The following PRH1 variants were observed in gnomAD, a reference collection of about 807,000 sequenced individuals.
PRH1 encodes the protein salivary acidic proline-rich phosphoprotein 1/2.
Under a neutral mutation model 7.9 loss-of-function variants are expected in PRH1, and 7 were observed. That is an observed-to-expected ratio of 0.89 (90% confidence interval 0.50 to 1.67). The LOEUF is 1.67. Ranked by LOEUF, PRH1 falls within the 40% of genes most tolerant of loss-of-function variation. PRH1 has a pLI of 0.00. For synonymous variants in PRH1, 45 were observed against 80.8 expected (o/e 0.56, Z 2.38); for missense variants, 109 against 223.6 (o/e 0.49, Z 3.27).
intron 2 of PRH1, among the ~76,000 whole-genome samples, chr12:10,928,756 T>G (rs771963245): frequency 3.3e-5 from 5 of 152,134 alleles, no homozygotes; most frequent in Non-Finnish European, 7.3e-5. Flanking sequence ...TTTAGCTAAA[T>G]ATACAAATAT....
intron 2 of PRH1, chr12:10,908,331 C>T (rs918472951): frequency 2.9e-5 from 43 of 1,489,824 alleles, no homozygotes; most frequent in Non-Finnish European, 3.7e-5. Context: ...ACTCCTGTTT[C>T]TGTCTGCAAT....
At chr12:11,004,753 TC>T (rs2136027259) in intron 1 of PRH1, among the ~76,000 whole-genome samples, 1 of 152,282 alleles carries the variant, frequency 6.6e-6, no homozygotes, top group East Asian at 1.9e-4. Context: ...TGGAGATATT[TC>T]CTTTAATCAA....
intron 1 of PRH1, among the ~76,000 whole-genome samples, chr12:11,028,187 T>A (rs1355543162): frequency 1.3e-5 from 2 of 152,206 alleles, no homozygotes; most frequent in African/African-American, 4.8e-5. Context: ...AGGGACTGGA[T>A]GATGTAAGAC....
chr12:11,124,687 C>G (rs957122216), intron 1 of PRH1, among the ~76,000 whole-genome samples: 1 of 152,078 alleles, frequency 6.6e-6, no homozygotes, highest in African/African-American at 2.4e-5. Context: ...AAAAATAAAT[C>G]ATTTAATAAG....
At chr12:10,908,930 C>T in intron 2 of PRH1, 1 of 1,613,308 alleles carries the variant, frequency 6.2e-7, no homozygotes, top group Non-Finnish European at 8.5e-7. Flanking sequence ...TTACTCTCCA[C>T]TTCAAATAGA....
At chr12:10,894,945 T>C (rs1332962770) in intron 2 of PRH1, 2 of 152,186 alleles carry the variant, frequency 1.3e-5, no homozygotes, top group South Asian at 2.1e-4. Flanking sequence ...CAGGCATGTT[T>C]ATAAAAATGA....
At chr12:11,159,813 T>C (rs556937963) in intron 1 of PRH1, 1 of 152,236 alleles carries the variant, frequency 6.6e-6, no homozygotes, top group African/African-American at 2.4e-5. Flanking sequence ...TCAGAAGGCA[T>C]AGCCAAATTC....
chr12:10,910,240 C>G (rs933779972), intron 2 of PRH1, among the ~76,000 whole-genome samples: 1 of 152,046 alleles, frequency 6.6e-6, no homozygotes, highest in Non-Finnish European at 1.5e-5. Flanking sequence ...TATTCACCTA[C>G]CTATGATAAA....
intron 1 of PRH1, among the ~76,000 whole-genome samples, chr12:11,038,294 G>C (rs376754054): frequency 1.3e-5 from 2 of 152,180 alleles, no homozygotes; most frequent in South Asian, 2.1e-4. Flanking sequence ...CGTTAACATG[G>C]ATGTTACCAC....
chr12:11,118,393 C>A (rs1409588199), downstream of PRH1, among the ~76,000 whole-genome samples: 2 of 152,150 alleles, frequency 1.3e-5, no homozygotes, highest in Non-Finnish European at 2.9e-5. Context: ...CCAGTTAAAA[C>A]AGCTTATATA....
chr12:11,047,526 AG>A (rs961844571), upstream of PRH1, among the ~76,000 whole-genome samples: 14 of 151,580 alleles, frequency 9.2e-5, no homozygotes, highest in Non-Finnish European at 4.4e-5. Flanking sequence ...AAAAAAAAAA[AG>A]GTTTTCTTTA....
chr12:10,903,789 CA>C (rs1156812059), intron 2 of PRH1, among the ~76,000 whole-genome samples: 1 of 151,596 alleles, frequency 6.6e-6, no homozygotes, highest in Non-Finnish European at 1.5e-5. Context: ...AAGACTCTGC[CA>C]AAAGGCTCCT....
intron 1 of PRH1, chr12:11,062,379 A>G (rs550844931): frequency 8.7e-5 from 121 of 1,384,944 alleles, no homozygotes; most frequent in African/African-American, 1.7e-4. Flanking sequence ...CTTAAATTCT[A>G]TATGCACCTG....
At chr12:11,160,642 T>G (rs1338152620) in intron 1 of PRH1, among the ~76,000 whole-genome samples, 2 of 152,144 alleles carry the variant, frequency 1.3e-5, no homozygotes, top group African/African-American at 4.8e-5. Flanking sequence ...AGCTGATTTT[T>G]GTATTTTCAG....
chr12:11,022,700 C>A (rs1259811081), intron 1 of PRH1: 6 of 690,114 alleles, frequency 8.7e-6, no homozygotes, highest in Non-Finnish European at 1.4e-5. Flanking sequence ...AATTCAGTGA[C>A]TAGTGTCAAC....
chr12:11,105,747 T>C (rs1592024271), intron 1 of PRH1, among the ~76,000 whole-genome samples: 1 of 152,188 alleles, frequency 6.6e-6, no homozygotes, highest in Non-Finnish European at 1.5e-5. Context: ...ACTGGTTGTA[T>C]AACCTGGTAA....
intron 1 of PRH1, among the ~76,000 whole-genome samples, chr12:11,017,662 A>ATT (rs889083248): frequency 8.7e-5 from 13 of 150,240 alleles, no homozygotes; most frequent in Non-Finnish European, 3.0e-5. Flanking sequence ...ATTTTTTTGT[A>ATT]TTTTTTTTTA....
At chr12:11,054,795 C>CTTT (rs71051560) in intron 1 of PRH1, among the ~76,000 whole-genome samples, 2 of 52,780 alleles carry the variant, frequency 3.8e-5, no homozygotes, top group African/African-American at 6.8e-5. Flanking sequence ...TCTGATGTTT[C>CTTT]TTTTTTTTTT....
Position 11,077,726 on chromosome 12 carries a change from G to A in PRH1, n.124-30538C>T, listed in dbSNP as rs559695275. The A allele has an allele frequency of 6.6e-6, 8 of 1,214,658 alleles. No homozygotes were observed. The East Asian group carries it at 9.3e-5, about 14-fold the overall frequency. 75.2% of individuals were successfully genotyped at this position (1,214,658 alleles called of 1,614,324 possible). A position where few individuals can be genotyped will look rare whatever the true frequency, so the allele number is the denominator to read the frequency against. ...GTGCTTACAGTCAAGTTTGAAAGGT[G>A]TATTGCATTCCTCAATTTGATCTTC... On this transcript the variant is annotated intron_variant and non_coding_transcript_variant, in intron 1 of 4. Transcript: ENST00000541977.
Sources: gnomAD v4.1 joint callset for allele counts (sites outside exome capture counted in the v4.1 genomes callset) on GRCh38, gnomAD v4.1.1 for gene constraint, MANE v1.5 for transcripts, NCBI Gene and HGNC (gene_info 2026-07-23, HGNC 2026-07-21) for gene names.